PRSS38: variants seen among roughly 807,000 people sequenced by gnomAD.
PRSS38 encodes the protein serine protease 38.
PRSS38 carries 22 observed loss-of-function variants against 26.8 expected under a neutral mutation model. That is an observed-to-expected ratio of 0.82 (90% confidence interval 0.59 to 1.17). PRSS38 has a LOEUF of 1.17. Ranked by LOEUF, PRSS38 falls within the 50% of genes most tolerant of loss-of-function variation. PRSS38 has a pLI of 0.00. For missense variants in PRSS38, 427 were observed against 422.7 expected (o/e 1.01, Z -0.09); for synonymous variants, 175 against 172.1 (o/e 1.02, Z -0.13).
At chr1:227,846,111 C>A in exon 5 of PRSS38, 1 of 1,614,132 alleles carries the variant, frequency 6.2e-7, no homozygotes. Flanking sequence ...ATAGAAATCA[C>A]GCCCACTCCT....
intron 3 of PRSS38, among the ~76,000 whole-genome samples, chr1:227,820,172 T>C (rs1664983258): frequency 6.6e-6 from 1 of 151,632 alleles, no homozygotes. Flanking sequence ...ACTGAATTTG[T>C]TTATTATATG....
chr1:227,846,298 C>T, exon 5 of PRSS38: 1 of 1,509,000 alleles, frequency 6.6e-7, no homozygotes, highest in Non-Finnish European at 8.9e-7. Context: ...CTGTCCTGGC[C>T]TCTCTGAAGC....
chr1:227,833,130 G>A (rs1181024676), intron 3 of PRSS38, among the ~76,000 whole-genome samples: 2 of 152,154 alleles, frequency 1.3e-5, no homozygotes, highest in African/African-American at 2.4e-5. Context: ...TACAAACACA[G>A]TCCTTATCAA....
In PRSS38 at chr1:227,816,369, A is replaced by G; in HGVS notation, c.311+117A>G. ...ATCACCATTGTCGACTCCCTTCACC[A>G]CTGTCGACCCGCGCAAGGCCAGGTC... On this transcript the variant is annotated intron_variant, in intron 2 of 4. Coordinates refer to ENST00000366757, the Ensembl canonical transcript of PRSS38. The surrounding 1 kb of genome is among the most constrained non-coding windows in gnomAD (Gnocchi z 5.1). 8.9e-7 allele frequency: 1 copy of G among 1,119,332 alleles called. No homozygotes were observed. Among genetic ancestry groups the G allele is most frequent in the Non-Finnish European group, 1.3e-6 (1 of 785,480 alleles). 69.3% of individuals were successfully genotyped at this position (1,119,332 alleles called of 1,614,324 possible). A position where few individuals can be genotyped will look rare whatever the true frequency, so the allele number is the denominator to read the frequency against.
intron 3 of PRSS38, among the ~76,000 whole-genome samples, chr1:227,818,090 TTTTA>T (rs1269420426): frequency 2.0e-5 from 3 of 151,810 alleles, no homozygotes; most frequent in Non-Finnish European, 2.9e-5. Context: ...ATATTTTATC[TTTTA>T]TTTATTTTTC....
chr1:227,819,119 A>G (rs1664965300), intron 3 of PRSS38, among the ~76,000 whole-genome samples: 1 of 152,178 alleles, frequency 6.6e-6, no homozygotes, highest in African/African-American at 2.4e-5. Flanking sequence ...ATAGTTGCCA[A>G]AATTGTCTAT....
At chr1:227,821,461 C>T (rs1032809304) in intron 3 of PRSS38, among the ~76,000 whole-genome samples, 8 of 152,056 alleles carry the variant, frequency 5.3e-5, no homozygotes, top group African/African-American at 1.9e-4. Context: ...CTTTGACTTA[C>T]TGTTTTGTGT....
At chr1:227,839,102 T>C (rs541571732) in intron 3 of PRSS38, among the ~76,000 whole-genome samples, 42 of 152,306 alleles carry the variant, frequency 2.8e-4, no homozygotes, top group African/African-American at 9.4e-4. Context: ...TATGCTTCTT[T>C]CCTGCCAGCC....
At chr1:227,845,906 G>A in intron 4 of PRSS38, 48 bp from the exon 5 acceptor site, 1 of 1,602,872 alleles carries the variant, frequency 6.2e-7, no homozygotes, top group Non-Finnish European at 8.5e-7. Flanking sequence ...GCAGGAGGCG[G>A]CAGGCCTGGG....
chr1:227,837,788 T>C (rs1358216501), intron 3 of PRSS38, among the ~76,000 whole-genome samples: 1 of 152,252 alleles, frequency 6.6e-6, no homozygotes, highest in Non-Finnish European at 1.5e-5. Flanking sequence ...TCAGTTATGC[T>C]ACTCATGTCA....
chr1:227,837,913 C>T (rs1558236960), intron 3 of PRSS38, among the ~76,000 whole-genome samples: 1 of 151,946 alleles, frequency 6.6e-6, no homozygotes, highest in African/African-American at 2.4e-5. Context: ...TTGTAATTTT[C>T]TTTTTTTGTT....
chr1:227,820,982 A>C (rs1664995235), intron 3 of PRSS38, among the ~76,000 whole-genome samples: 1 of 152,200 alleles, frequency 6.6e-6, no homozygotes, highest in Non-Finnish European at 1.5e-5. Context: ...TATTTCATCC[A>C]AGTTATCTCA....
At chr1:227,841,899 T>C (rs929458032) in intron 3 of PRSS38, among the ~76,000 whole-genome samples, 1 of 152,212 alleles carries the variant, frequency 6.6e-6, no homozygotes, top group Non-Finnish European at 1.5e-5. Context: ...GGCTCAGGGT[T>C]CTGTAAGAAG....
chr1:227,824,240 C>A (rs901358726), intron 3 of PRSS38, among the ~76,000 whole-genome samples: 1 of 152,110 alleles, frequency 6.6e-6, no homozygotes, highest in Non-Finnish European at 1.5e-5. Flanking sequence ...CCCAAACAGG[C>A]CCCAGTGTGT....
intron 3 of PRSS38, among the ~76,000 whole-genome samples, chr1:227,843,653 G>A (rs1007827768): frequency 6.6e-6 from 1 of 152,020 alleles, no homozygotes; most frequent in African/African-American, 2.4e-5. Flanking sequence ...AGTGAGCCAA[G>A]ATCACACCAT....
intron 3 of PRSS38, among the ~76,000 whole-genome samples, chr1:227,834,860 G>T (rs866298115): frequency 6.6e-6 from 1 of 152,056 alleles, no homozygotes; most frequent in Non-Finnish European, 1.5e-5. Context: ...GGGCTTCATT[G>T]AAATTAAAAA....
chr1:227,817,582 C>T, intron 3 of PRSS38, 102 bp downstream of exon 3: 10 of 1,123,498 alleles, frequency 8.9e-6, no homozygotes, highest in Non-Finnish European at 1.0e-5. Flanking sequence ...TGTTTGGGGA[C>T]TGGAATCCCC....
intron 3 of PRSS38, among the ~76,000 whole-genome samples, chr1:227,833,008 T>C (rs1307460526): frequency 1.3e-5 from 2 of 152,126 alleles, no homozygotes; most frequent in Non-Finnish European, 2.9e-5. Flanking sequence ...TTGAAAACTA[T>C]AGAATGTTAC....
chr1:227,823,772 A>C (rs778031053), intron 3 of PRSS38, among the ~76,000 whole-genome samples: 9 of 152,166 alleles, frequency 5.9e-5, no homozygotes, highest in Non-Finnish European at 1.0e-4. Flanking sequence ...TGCTGGCACT[A>C]TACTTCTTGT....
Sources: allele counts gnomAD v4.1 joint callset (sites outside exome capture counted in the v4.1 genomes callset), GRCh38; gene constraint gnomAD v4.1.1; non-coding constraint Gnocchi (gnomAD v3.1); transcripts MANE v1.5; gene names NCBI Gene and HGNC (gene_info 2026-07-23, HGNC 2026-07-21).